SIPA1L2: variants seen among roughly 807,000 people sequenced by gnomAD.
SIPA1L2 encodes the protein signal-induced proliferation-associated 1-like protein 2.
SIPA1L2 carries 56 observed loss-of-function variants against 163.9 expected under a neutral mutation model. That is an observed-to-expected ratio of 0.34 (90% CI 0.28 to 0.43). The LOEUF is 0.43. Ranked by LOEUF, SIPA1L2 falls within the 20% of genes least tolerant of loss-of-function variation. The pLI, the probability that SIPA1L2 is intolerant of heterozygous loss-of-function variation, is 1.00. For synonymous variants in SIPA1L2, 877 were observed against 865.7 expected, an observed-to-expected ratio of 1.01 and a Z score of -0.23; for missense variants, 1,974 against 2,193.5, an observed-to-expected ratio of 0.90 and a Z score of 2.00.
intron 6 of SIPA1L2, among the ~76,000 whole-genome samples, chr1:232,482,311 C>T (rs1396351289): frequency 2.0e-5 from 3 of 152,052 alleles, no homozygotes; most frequent in African/African-American, 7.2e-5. Flanking sequence ...GTCCAATTCA[C>T]TGAAGAGAGA....
intron 1 of SIPA1L2, among the ~76,000 whole-genome samples, 46 bp downstream of exon 1, chr1:232,629,823 C>G (rs1208208502): frequency 1.3e-5 from 2 of 151,994 alleles, no homozygotes; most frequent in Non-Finnish European, 2.9e-5. Flanking sequence ...GCAGGCATCC[C>G]GAACCGACCC....
In SIPA1L2 at chr1:232,443,617, TGTG is replaced by T. The variant is rs1303808686; in HGVS notation, c.3419_3421del (p.Pro1140del). On this transcript the variant is annotated inframe_deletion, in exon 12 of 23. Coordinates refer to ENST00000674635, the MANE Select transcript of SIPA1L2 (RefSeq NM_020808.5). ...TGAACAGTACCCGTCGTAGCCCACT[TGTG>T]GTCTCCAGGGTCCGCTCCCGCCGGG... 6.2e-7 allele frequency: 1 copy of T among 1,606,114 alleles called. No individual in the cohort carries two copies. The highest frequency in any genetic ancestry group is 8.5e-7 in the Non-Finnish European group (1 of 1,176,462).
At chr1:232,538,621 C>T (rs1573047678) in intron 2 of SIPA1L2, among the ~76,000 whole-genome samples, 1 of 152,254 alleles carries the variant, frequency 6.6e-6, no homozygotes, top group East Asian at 1.9e-4. Flanking sequence ...GAGAATGCTG[C>T]CATCTCTATG....
At chr1:232,532,569 C>T (rs1299935508) in intron 2 of SIPA1L2, among the ~76,000 whole-genome samples, 1 of 152,162 alleles carries the variant, frequency 6.6e-6, no homozygotes, top group Admixed American at 6.5e-5. Context: ...TGCTGACTTA[C>T]CTTGCATTTT....
intron 10 of SIPA1L2, among the ~76,000 whole-genome samples, chr1:232,450,686 A>C (rs898216367): frequency 1.3e-5 from 2 of 152,198 alleles, no homozygotes; most frequent in Non-Finnish European, 2.9e-5. Context: ...TTTGGCCTTC[A>C]AGTTTGTTTG....
At chr1:232,622,286 T>C (rs562596732) in intron 1 of SIPA1L2, among the ~76,000 whole-genome samples, 1 of 152,340 alleles carries the variant, frequency 6.6e-6, no homozygotes, top group Admixed American at 6.5e-5. Context: ...ATTAAGACTA[T>C]GGCTACTGAG....
intron 2 of SIPA1L2, among the ~76,000 whole-genome samples, chr1:232,556,166 G>C (rs1447859620): frequency 6.6e-6 from 1 of 152,188 alleles, no homozygotes; most frequent in Non-Finnish European, 1.5e-5. Flanking sequence ...TGTGATAAAA[G>C]CTTACCTTTC....
intron 10 of SIPA1L2, among the ~76,000 whole-genome samples, chr1:232,452,635 A>T (rs1048451289): frequency 2.0e-5 from 3 of 152,192 alleles, no homozygotes; most frequent in Non-Finnish European, 4.4e-5. Flanking sequence ...TTGGTTCTAA[A>T]TCATGTCTTC....
In SIPA1L2 at chr1:232,564,149, CGTGTGTGTGTGTGTGT is replaced by C. The variant is rs560949113; in HGVS notation, c.-270+10009_-270+10024del. Reference sequence around the variant, plus strand: ...GACGAAGGTTGTTTTTTTTTTTTTTCGTGTGTGTGTGTGTGTGTGTGTGTGTGTGTGTGTGTGTGTT... The same window carrying C: ...GACGAAGGTTGTTTTTTTTTTTTTTCGTGTGTGTGTGTGTGTGTGTGTGTT... On this transcript the variant is annotated intron_variant, in intron 2 of 22. Transcript: ENST00000674635. Among the ~76,000 whole-genome samples the C allele has an allele frequency of 1.0e-3, 45 of 44,612 alleles. 4 individuals are homozygous for C. The highest frequency in any genetic ancestry group is 3.2e-3 in the South Asian group (3 of 928). 29.3% of individuals were successfully genotyped at this position (44,612 alleles called of 152,430 possible).
At chr1:232,586,726 G>C (rs1302495952) in intron 1 of SIPA1L2, among the ~76,000 whole-genome samples, 1 of 152,196 alleles carries the variant, frequency 6.6e-6, no homozygotes, top group Admixed American at 6.5e-5. Context: ...TTCATACACA[G>C]AAAACAAGCA....
intron 1 of SIPA1L2, among the ~76,000 whole-genome samples, chr1:232,584,382 G>A (rs142308237): frequency 6.2e-4 from 94 of 152,256 alleles, no homozygotes; most frequent in African/African-American, 2.0e-3. Flanking sequence ...ATGCCACCAC[G>A]CCCAGCGAAT....
At chr1:232,557,117 G>A (rs1206775924) in intron 2 of SIPA1L2, among the ~76,000 whole-genome samples, 1 of 152,220 alleles carries the variant, frequency 6.6e-6, no homozygotes, top group Non-Finnish European at 1.5e-5. Flanking sequence ...ACACTGCACA[G>A]CGCCTGTGTA....
At chr1:232,593,064 T>A (rs888170079) in intron 1 of SIPA1L2, among the ~76,000 whole-genome samples, 10 of 152,300 alleles carry the variant, frequency 6.6e-5, no homozygotes, top group Non-Finnish European at 1.3e-4. Context: ...CTTAGGAAAC[T>A]CAGACAGCAG....
At chr1:232,528,816 A>C (rs1471422108) in intron 2 of SIPA1L2, among the ~76,000 whole-genome samples, 1 of 152,138 alleles carries the variant, frequency 6.6e-6, no homozygotes, top group East Asian at 1.9e-4. Context: ...AATAACATCA[A>C]AACTTCACAA....
intron 2 of SIPA1L2, among the ~76,000 whole-genome samples, chr1:232,523,171 G>A (rs16857550): frequency 0.015 from 2,319 of 152,272 alleles, 63 homozygotes; most frequent in African/African-American, 0.053. Flanking sequence ...CCAATTTCTG[G>A]TAGTAAACTG....
intron 2 of SIPA1L2, among the ~76,000 whole-genome samples, chr1:232,529,786 G>A (rs1667885414): frequency 6.6e-6 from 1 of 152,154 alleles, no homozygotes; most frequent in Admixed American, 6.5e-5. Flanking sequence ...TTTAAGTTTT[G>A]CTTTTATTCT....
intron 1 of SIPA1L2, among the ~76,000 whole-genome samples, chr1:232,625,933 G>A (rs1374737803): frequency 2.6e-5 from 4 of 152,120 alleles, no homozygotes; most frequent in Admixed American, 6.5e-5. Flanking sequence ...TCTAAACCCC[G>A]GTCCTTAGTG....
chr1:232,600,112 C>A (rs892603172), intron 1 of SIPA1L2, among the ~76,000 whole-genome samples: 2 of 152,160 alleles, frequency 1.3e-5, no homozygotes, highest in African/African-American at 2.4e-5. Context: ...GCAGGACCTT[C>A]GGCTTTGCTC....
chr1:232,500,676 T>G (rs562435721), intron 3 of SIPA1L2, among the ~76,000 whole-genome samples: 94 of 152,310 alleles, frequency 6.2e-4, no homozygotes, highest in Non-Finnish European at 1.1e-3. Flanking sequence ...GCAAAGAAAG[T>G]GGTTTCTTTT....
Sources: allele counts gnomAD v4.1 joint callset (sites outside exome capture counted in the v4.1 genomes callset), GRCh38; gene constraint gnomAD v4.1.1; transcripts MANE v1.5; gene names NCBI Gene and HGNC (gene_info 2026-07-23, HGNC 2026-07-21).